Variants in TTN observed in about 807,000 individuals in gnomAD.
TTN encodes the protein connectin.
In TTN, 1,525 loss-of-function variants were observed where a neutral mutation model predicts 3,223.0. That is an observed-to-expected ratio of 0.47 (90% confidence interval 0.45 to 0.49). TTN has a LOEUF of 0.49. Ranked by LOEUF, TTN falls within the 20% of genes least tolerant of loss-of-function variation. The pLI, the probability that TTN is intolerant of heterozygous loss-of-function variation, is 0.00. For missense variants in TTN, 40,786 were observed against 43,424.0 expected, an observed-to-expected ratio of 0.94 and a Z score of 5.40; for synonymous variants, 14,094 against 15,161.0, an observed-to-expected ratio of 0.93 and a Z score of 5.17.
chr2:178,780,084 T>C lies in TTN; in HGVS notation c.3645A>G (p.Glu1215=). 6.2e-7 allele frequency: 1 copy of C among 1,613,866 alleles called. No individual in the cohort carries two copies. The highest frequency in any genetic ancestry group is 8.5e-7 in the Non-Finnish European group (1 of 1,179,862). Residue 1215 remains glutamate (E), a synonymous_variant, in exon 22 of 363, where the codon GAA becomes GAG. Transcript: ENST00000589042. ...AGGCTTGTTCTTTTTCATACTCTTT[T>C]TCATACTCAGAGTATACAAATCCAG... ...TAPGFVYSEY[E]KEYEKEQALI...
rs764290575 is a variant in TTN at position 178,689,917 on chromosome 2, A to G, written c.31763-21T>C. ...TGGGACTTAAAGTTTTTGAAACACA[A>G]TGTTAGTTCAGACATATATCACTTT... On this transcript the variant is annotated intron_variant, in intron 121 of 362. Transcript: ENST00000589042. 3.8e-6 allele frequency: 6 copies of G among 1,596,574 alleles called. No individual in the cohort carries two copies. The Admixed American group carries it at 5.0e-5, about 13-fold the overall frequency.
chr2:178,529,904 T>C, intron 359 of TTN, 56 bp downstream of exon 359: 1 of 1,535,048 alleles, frequency 6.5e-7, no homozygotes, highest in Non-Finnish European at 8.8e-7. Context: ...TGTTTGAAAA[T>C]ATTTCCCTAA....
intron 71 of TTN, 101 bp from the exon 72 acceptor site, chr2:178,724,639 T>A: frequency 7.9e-7 from 1 of 1,268,444 alleles, no homozygotes; most frequent in Non-Finnish European, 1.0e-6. Context: ...GATGGTTATG[T>A]TAGGGTGCTC....
chr2:178,789,079 C>A (rs1364087949), intron 13 of TTN, among the ~76,000 whole-genome samples: 1 of 152,008 alleles, frequency 6.6e-6, no homozygotes, highest in Non-Finnish European at 1.5e-5. Context: ...AGCCTGCATG[C>A]AATTTTAATC....
Position 178,681,735 on chromosome 2 carries a change from G to C in TTN, c.33098C>G (p.Pro11033Arg). The C allele has an allele frequency of 6.3e-7, 1 of 1,590,124 alleles. No homozygotes were observed. Among genetic ancestry groups the C allele is most frequent in the Middle Eastern group, 1.7e-4 (1 of 6,014 alleles). Residue 11033 changes from proline to arginine, a missense_variant, in exon 136 of 363, where the codon CCA becomes CGA. Physicochemically the swap from Pro to Arg is moderately radical, Grantham distance 103. Coordinates refer to ENST00000589042, the MANE Select transcript of TTN (RefSeq NM_001267550.2). Reference protein sequence around the residue: ...YEEHEEYITEPEKPIPVKPVP... With the variant: ...YEEHEEYITEREKPIPVKPVP... The stretch of plus-strand genomic sequence containing the variant: ...AGGCTTTACAGGGATAGGCTTCTCT[G>C]GTTCTTTAAAAGTACATACAAGGTA...
At position 178,720,239 on chromosome 2, in the gene TTN, T is replaced by C. The variant is rs765439207; in HGVS notation, c.23403A>G (p.Leu7801=). ...CCCCAATAAGGGTTGAGGTGTCACT[T>C]AGCTTTTTCACGAATCGTGGAGGTT... ...FKEPPRFVKK[L]SDTSTLIGDA... Residue 7801 remains leucine, a synonymous_variant, in exon 81 of 363, where the codon CTA becomes CTG. Coordinates refer to ENST00000589042, the MANE Select transcript of TTN (RefSeq NM_001267550.2). The C allele has an allele frequency of 6.2e-7, 1 of 1,611,318 alleles. No individual in the cohort carries two copies. The highest frequency in any genetic ancestry group is 1.1e-5 in the South Asian group (1 of 90,644).
rs780897904 is a variant in TTN at position 178,783,101 on chromosome 2, G to A, written c.2842-37C>T. The A allele has an allele frequency of 1.7e-5, 27 of 1,603,844 alleles. No individual in the cohort carries two copies. The South Asian group carries it at 2.9e-4, about 17-fold the overall frequency. On this transcript the variant is annotated intron_variant, in intron 17 of 362. Transcript: ENST00000589042. ...AGAAAAAATAAATAATGATACGTGT[G>A]CATATTCATTAATCACTTCTGTTTT... is the stretch of plus-strand genomic sequence containing the variant.
Position 178,551,644 on chromosome 2 carries a change from G to A in TTN, c.91256C>T (p.Ala30419Val). 1 of 1,585,696 alleles carries A rather than the reference G, an allele frequency of 6.3e-7. No individual in the cohort carries two copies. The highest frequency in any genetic ancestry group is 8.6e-7 in the Non-Finnish European group (1 of 1,165,348). The change falls in exon 335 of 363, where the codon GCT becomes GTT. Residue 30419 changes from alanine (A) to valine (V), a missense_variant. Coordinates refer to ENST00000589042, the MANE Select transcript of TTN (RefSeq NM_001267550.2). ...TAATCACTTACCTACTGGAGAAACA[G>A]CTAAGGTAAATTTGCTTGGGTCACT... is the stretch of plus-strand genomic sequence containing the variant. Reference protein sequence around the residue: ...SPSDPSKFTLAVSPVDPPGTP... With the variant: ...SPSDPSKFTLVVSPVDPPGTP...
At chr2:178,676,652 C>A (rs563050580) in intron 147 of TTN, among the ~76,000 whole-genome samples, 6 of 147,200 alleles carry the variant, frequency 4.1e-5, no homozygotes, top group South Asian at 4.7e-4. Context: ...ACTTCAGGCT[C>A]AGGTTGGTTA....
Position 178,611,411 on chromosome 2 carries a change from A to G in TTN, c.50818T>C (p.Ser16940Pro). Reference protein sequence around the residue: ...AVNAIGVSEPSEISENVVAKD... With the variant: ...AVNAIGVSEPPEISENVVAKD... ...GCAACCACATTTTCAGAGATTTCAG[A>G]TGGCTCGCTGACACCAATAGCATTG... Residue 16940 changes from serine to proline, a missense_variant, in exon 269 of 363, where the codon TCT becomes CCT. Physicochemically the swap from Ser to Pro is moderately conservative, Grantham distance 74 (BLOSUM62 -1). Coordinates refer to ENST00000589042, the MANE Select transcript of TTN (RefSeq NM_001267550.2). The G allele has an allele frequency of 6.2e-7, 1 of 1,612,930 alleles. No homozygotes were observed. The highest frequency in any genetic ancestry group is 8.5e-7 in the Non-Finnish European group (1 of 1,179,318).
chr2:178,688,857 G>T (rs2154277782), intron 125 of TTN, 79 bp from the exon 126 acceptor site: 1 of 1,241,722 alleles, frequency 8.1e-7, no homozygotes. Context: ...GGGAAGAGTT[G>T]CACAGTACAC....
chr2:178,679,493 T>C, intron 141 of TTN, 77 bp from the exon 142 acceptor site: 3 of 1,590,488 alleles, frequency 1.9e-6, no homozygotes, highest in Non-Finnish European at 2.6e-6. Context: ...TAATGTTTTT[T>C]AACAACGGAC....
In TTN at chr2:178,531,038, C is replaced by A. The variant is rs763944153; in HGVS notation, c.105577G>T (p.Ala35193Ser). Residue 35193 changes from alanine to serine, a missense_variant, in exon 358 of 363, where the codon GCT (alanine) becomes TCT (serine). Ala to Ser is a moderately conservative substitution (Grantham distance 99). Coordinates refer to ENST00000589042, the MANE Select transcript of TTN (RefSeq NM_001267550.2). ...ACGCTGTAATTGCCCTCATCGGAAGCCTGGACTGAAGAGATCTCAAAGGTT... is the reference window on the plus strand; with the variant it reads ...ACGCTGTAATTGCCCTCATCGGAAGACTGGACTGAAGAGATCTCAAAGGTT... ...KSTFEISSVQ[A>S]SDEGNYSVVV... is the part of the protein sequence containing the mutation. The A allele has an allele frequency of 6.8e-6, 11 of 1,613,760 alleles. No individual in the cohort carries two copies. The highest frequency in any genetic ancestry group is 7.6e-6 in the Non-Finnish European group (9 of 1,179,868).
chr2:178,572,756 T>C lies in TTN; in HGVS notation c.73376A>G (p.Glu24459Gly). The C allele has an allele frequency of 6.2e-7, 1 of 1,613,492 alleles. No homozygotes were observed. The highest frequency in any genetic ancestry group is 8.5e-7 in the Non-Finnish European group (1 of 1,179,592). ...FVPIKGRPAP[E>G]VKWARDHGES... is the part of the protein sequence containing the mutation. ...TCCATGGTCCCGGGCCCACTTCACC[T>C]CAGGTGCAGGCCTTCCTTTGATGGG... is the stretch of plus-strand genomic sequence containing the variant. The change falls in exon 326 of 363, where the codon GAG (glutamate) becomes GGG (glycine). Residue 24459 changes from glutamate to glycine, a missense_variant. By Grantham distance (98) the Glu-to-Gly change is moderately conservative. Transcript: ENST00000589042.
intron 217 of TTN, chr2:178,645,617 T>C: frequency 4.9e-6 from 1 of 206,008 alleles, no homozygotes. Context: ...CAATCAGGCT[T>C]TGAAATCAGA....
rs750686328 is a variant in TTN, at chr2:178,570,138, C to T, written c.75994G>A (p.Gly25332Ser). The T allele has an allele frequency of 1.9e-6, 3 of 1,613,484 alleles. No individual in the cohort carries two copies. The highest frequency in any genetic ancestry group is 1.1e-5 in the South Asian group (1 of 91,064). Reference protein sequence around the residue: ...IVVWERPASDGGSEILGYVLE... With the variant: ...IVVWERPASDSGSEILGYVLE... ...ACATATCCAAGAATTTCACTACCAC[C>T]ATCAGATGCTGGTCTTTCCCATACA... Residue 25332 changes from glycine to serine, a missense_variant, in exon 326 of 363, where the codon GGT (glycine) becomes AGT (serine). Gly to Ser is a moderately conservative substitution (Grantham distance 56). Coordinates refer to ENST00000589042, the MANE Select transcript of TTN (RefSeq NM_001267550.2).
chr2:178,774,567 C>A, intron 29 of TTN, 94 bp from the exon 30 acceptor site: 2 of 1,251,538 alleles, frequency 1.6e-6, no homozygotes, highest in Non-Finnish European at 1.1e-6. Context: ...CTTTTATCTC[C>A]CCCATACTAT....
In TTN at chr2:178,557,089, T is replaced by C. The variant is rs374657225; in HGVS notation, c.88065A>G (p.Ser29355=). The C allele has an allele frequency of 2.5e-6, 4 of 1,613,702 alleles. No homozygotes were observed. In the South Asian group the frequency reaches 3.3e-5, roughly 13 times the overall value. ...TDISKNSVSL[S]WQQPAFDGGS... ...CTCCATCGAAAGCTGGTTGTTGCCA[T>C]GAAAGGCTGACAGAGTTCTTTGAAA... is the stretch of plus-strand genomic sequence containing the variant. The change falls in exon 330 of 363, where the codon TCA becomes TCG. Residue 29355 remains serine, a synonymous_variant. Transcript: ENST00000589042.
At chr2:178,716,725 A>T (rs1168902226) in intron 88 of TTN, among the ~76,000 whole-genome samples, 4 of 152,148 alleles carry the variant, frequency 2.6e-5, no homozygotes, top group Non-Finnish European at 4.4e-5. Context: ...CCTTAGAGGG[A>T]CAAAATCCAT....
Sources: allele counts gnomAD v4.1 joint callset (sites outside exome capture counted in the v4.1 genomes callset), GRCh38; gene constraint gnomAD v4.1.1; transcripts MANE v1.5; gene names NCBI Gene and HGNC (gene_info 2026-07-23, HGNC 2026-07-21).